Variants in VPS13D observed in about 807,000 individuals in gnomAD.
The protein encoded by VPS13D is vacuolar protein sorting 13 homolog D, also known as intermembrane lipid transfer protein VPS13D.
In VPS13D, 187 loss-of-function variants were observed where a neutral mutation model predicts 461.9. The observed-to-expected ratio is 0.40, with a 90% CI of 0.36 to 0.46. The LOEUF is 0.46. VPS13D is among the 20% of genes least tolerant of loss of function. VPS13D has a pLI of 0.60. For missense variants in VPS13D, 4,711 were observed against 5,364.9 expected (o/e 0.88, Z 3.81); for synonymous variants, 1,951 against 1,986.3 (o/e 0.98, Z 0.47).
chr1:12,390,865 G>T (rs1219817696), intron 60 of VPS13D, among the ~76,000 whole-genome samples: 1 of 152,216 alleles, frequency 6.6e-6, no homozygotes, highest in Admixed American at 6.5e-5. Context: ...AGTGGGCGAT[G>T]GCAGGAGTGG....
At chr1:12,290,943 AG>A in intron 22 of VPS13D, 54 bp from the exon 23 acceptor site, 1 of 1,525,086 alleles carries the variant, frequency 6.6e-7, no homozygotes, top group Non-Finnish European at 8.8e-7. Flanking sequence ...GACATATTTA[AG>A]TTGTGTGACA....
At chr1:12,350,856 AATG>A (rs1643776497) in intron 46 of VPS13D, among the ~76,000 whole-genome samples, 1 of 152,214 alleles carries the variant, frequency 6.6e-6, no homozygotes, top group African/African-American at 2.4e-5. Context: ...GAATGAAAAA[AATG>A]AGGCACTATT....
chr1:12,452,079 C>T (rs1370442554), intron 65 of VPS13D, among the ~76,000 whole-genome samples: 1 of 152,184 alleles, frequency 6.6e-6, no homozygotes, highest in Non-Finnish European at 1.5e-5. Flanking sequence ...ATGCCACATC[C>T]ATACTTCCCT....
At chr1:12,380,934 A>C (rs1225854718) in intron 57 of VPS13D, among the ~76,000 whole-genome samples, 1 of 152,228 alleles carries the variant, frequency 6.6e-6, no homozygotes, top group Non-Finnish European at 1.5e-5. Flanking sequence ...TCTAGAGGCA[A>C]AGAGGGCTTG....
rs1465997588 is a variant in VPS13D at position 12,386,230 on chromosome 1, A to C, written c.11530A>C (p.Lys3844Gln). ...EGGIGLSLIN[K>Q]VPEELVFASL... ...TGGAATTGGGTTGTCCTTAATTAAT[A>C]AAGTCCCAGAAGAACTGGTCTTTGC... The change falls in exon 60 of 70, where the codon AAA becomes CAA. Residue 3844 changes from lysine to glutamine, a missense_variant. By Grantham distance (53) the Lys-to-Gln change is moderately conservative. Around this residue, in one of 3 missense-constraint regions of VPS13D, gnomAD observed 4,411 missense variants for 4,937.8 expected, o/e 0.89. Coordinates refer to ENST00000620676, the MANE Select transcript of VPS13D (RefSeq NM_015378.4). 1 of 1,613,524 alleles carries C rather than the reference A, an allele frequency of 6.2e-7. No individual in the cohort carries two copies. Among genetic ancestry groups the C allele is most frequent in the African/African-American group, 1.3e-5 (1 of 74,908 alleles).
chr1:12,459,069 G>C (rs1570216291), intron 66 of VPS13D, among the ~76,000 whole-genome samples: 1 of 152,196 alleles, frequency 6.6e-6, no homozygotes. Flanking sequence ...AGTGGGGTTG[G>C]CCAGTCACCC....
intron 54 of VPS13D, among the ~76,000 whole-genome samples, chr1:12,372,339 A>G (rs1644131459): frequency 6.6e-6 from 1 of 152,108 alleles, no homozygotes; most frequent in South Asian, 2.1e-4. Context: ...CTGGGATTAC[A>G]GGTGTGAGTC....
In VPS13D at chr1:12,396,026, TATA is replaced by T. The variant is rs1270389667; in HGVS notation, c.11635-4154_11635-4152del. Among the ~76,000 whole-genome samples the T allele has an allele frequency of 2.2e-3, 302 of 135,570 alleles. 14 individuals are homozygous for T. The highest frequency in any genetic ancestry group is 0.019 in the Admixed American group (262 of 13,614). 88.9% of individuals were successfully genotyped at this position (135,570 alleles called of 152,430 possible). On this transcript the variant is annotated intron_variant, in intron 60 of 69. Transcript: ENST00000620676. ...ATATATATATATATATATATATATA[TATA>T]GTTCTTTAAGATCAATAAAATTAAT...
chr1:12,356,287 T>C (rs1643885160), intron 48 of VPS13D, 111 bp from the exon 49 acceptor site: 3 of 1,439,424 alleles, frequency 2.1e-6, no homozygotes, highest in Non-Finnish European at 2.8e-6. Context: ...GCCCACTAAA[T>C]AGATTCAGTT....
In VPS13D at chr1:12,508,907, T is replaced by C. The variant is rs778776127; in HGVS notation, c.13050T>C (p.Ser4350=). ...CTCCTCCTTAGGTCCATGTGAAATCTGAGGTCCTTGCTGTCAAGTTGTCAC... is the reference window on the plus strand; with the variant it reads ...CTCCTCCTTAGGTCCATGTGAAATCCGAGGTCCTTGCTGTCAAGTTGTCAC... The part of the protein sequence containing the change: ...SHQKPMVHVK[S]EVLAVKLSQE... The change falls in exon 70 of 70, where the codon TCT becomes TCC. Residue 4350 remains serine (S), a synonymous_variant. Coordinates refer to ENST00000620676, the MANE Select transcript of VPS13D (RefSeq NM_015378.4). 1.9e-6 allele frequency: 3 copies of C among 1,613,984 alleles called. No individual in the cohort carries two copies. In the South Asian group the frequency reaches 3.3e-5, roughly 18 times the overall value.
At chr1:12,437,182 C>G (rs1226527251) in intron 65 of VPS13D, among the ~76,000 whole-genome samples, 2 of 152,166 alleles carry the variant, frequency 1.3e-5, no homozygotes, top group African/African-American at 2.4e-5. Flanking sequence ...CCAAACTGTT[C>G]TTTCTGACCA....
intron 60 of VPS13D, among the ~76,000 whole-genome samples, chr1:12,390,103 C>T (rs1443582692): frequency 6.6e-6 from 1 of 152,196 alleles, no homozygotes; most frequent in Non-Finnish European, 1.5e-5. Flanking sequence ...GTGTTCCTCC[C>T]TCTGGAACTA....
At chr1:12,353,378 A>C (rs1348513940) in intron 46 of VPS13D, among the ~76,000 whole-genome samples, 1 of 151,794 alleles carries the variant, frequency 6.6e-6, no homozygotes, top group African/African-American at 2.4e-5. Context: ...CTAAAAATAC[A>C]AAAAATTAGC....
chr1:12,459,579 A>G (rs959476857), intron 66 of VPS13D, among the ~76,000 whole-genome samples: 2 of 151,522 alleles, frequency 1.3e-5, no homozygotes, highest in African/African-American at 4.9e-5. Context: ...CCTGGGTTCA[A>G]GCAATTCTCC....
At chr1:12,254,737 C>T (rs771458384) in intron 7 of VPS13D, among the ~76,000 whole-genome samples, 3 of 149,790 alleles carry the variant, frequency 2.0e-5, no homozygotes, top group Non-Finnish European at 3.0e-5. Context: ...TTGGCCAGGC[C>T]GGCTGGTCTC....
intron 68 of VPS13D, among the ~76,000 whole-genome samples, chr1:12,501,284 A>G (rs989042445): frequency 1.3e-5 from 2 of 152,134 alleles, no homozygotes; most frequent in African/African-American, 2.4e-5. Flanking sequence ...ATAGTAACAT[A>G]TGTAGTCTCA....
At position 12,329,878 on chromosome 1, in the gene VPS13D, C is replaced by T; in HGVS notation, c.8247C>T (p.His2749=). ...GAACTAGCCCTGAAGGCTATGCCCA[C>T]TTCACCCTTTCTGGAGATTATTATA... is the stretch of plus-strand genomic sequence containing the variant. ...RVRTSPEGYA[H]FTLSGDYYNR... The change falls in exon 37 of 70, where the codon CAC becomes CAT. Residue 2749 remains histidine (H), a synonymous_variant. Coordinates refer to ENST00000620676, the MANE Select transcript of VPS13D (RefSeq NM_015378.4). 6.2e-7 allele frequency: 1 copy of T among 1,614,140 alleles called. No homozygotes were observed. Among genetic ancestry groups the T allele is most frequent in the Non-Finnish European group, 8.5e-7 (1 of 1,180,014 alleles).
At chr1:12,330,787 C>T (rs1297145644) in intron 37 of VPS13D, among the ~76,000 whole-genome samples, 2 of 151,828 alleles carry the variant, frequency 1.3e-5, no homozygotes, top group South Asian at 2.1e-4. Flanking sequence ...AGGCTGGTCT[C>T]GAACTCCTGA....
intron 67 of VPS13D, among the ~76,000 whole-genome samples, chr1:12,464,445 A>G (rs1051657182): frequency 2.6e-5 from 4 of 152,168 alleles, no homozygotes; most frequent in African/African-American, 9.7e-5. Context: ...TTTTAAGCAG[A>G]TGATAGGAAA....
Sources: allele counts gnomAD v4.1 joint callset (sites outside exome capture counted in the v4.1 genomes callset), GRCh38; gene constraint gnomAD v4.1.1; regional missense constraint gnomAD v4.1.1; transcripts MANE v1.5; gene names NCBI Gene and HGNC (gene_info 2026-07-23, HGNC 2026-07-21).